The following DPP10 variants were observed in gnomAD, a reference collection of about 807,000 sequenced individuals.
DPP10 encodes dipeptidyl peptidase like 10.
DPP10 carries 33 observed loss-of-function variants against 120.9 expected under a neutral mutation model. The observed-to-expected ratio is 0.27, with a 90% CI of 0.21 to 0.37. DPP10 has a LOEUF of 0.37. Ranked by LOEUF, DPP10 falls within the 10% of genes least tolerant of loss-of-function variation. The probability of loss-of-function intolerance (pLI) is 1.00; values close to 1 mark genes in which losing one functional copy is unlikely to be tolerated. For synonymous variants in DPP10, 337 were observed against 326.1 expected, an observed-to-expected ratio of 1.03 and a Z score of -0.36; for missense variants, 816 against 942.8, an observed-to-expected ratio of 0.87 and a Z score of 1.76.
chr2:114,791,021 T>C (rs1166152005), intron 1 of DPP10, among the ~76,000 whole-genome samples: 2 of 152,126 alleles, frequency 1.3e-5, no homozygotes, highest in Non-Finnish European at 2.9e-5. Context: ...AAAGTATATA[T>C]TTAAGAAGAA....
At chr2:114,664,189 C>G (rs1446476981) in intron 1 of DPP10, among the ~76,000 whole-genome samples, 1 of 152,014 alleles carries the variant, frequency 6.6e-6, no homozygotes, top group Non-Finnish European at 1.5e-5. Flanking sequence ...CTCTCTGGAA[C>G]TCAGGCAAAA....
At chr2:114,719,278 C>T (rs1413912023) in intron 1 of DPP10, among the ~76,000 whole-genome samples, 3 of 152,142 alleles carry the variant, frequency 2.0e-5, no homozygotes. Context: ...ATTCCTTCTT[C>T]ATTTTTCCTC....
chr2:114,804,283 G>A lies in DPP10; in HGVS notation c.60+361445G>A, dbSNP rs77027326. ...GATAAAAGTTTATTGGAGGGGTAGG[G>A]CCCTTAAGGAGAACCTCTGCTAGGG... On this transcript the variant is annotated intron_variant, in intron 1 of 25. Coordinates refer to ENST00000410059, the MANE Select transcript of DPP10 (RefSeq NM_020868.6). Among the ~76,000 whole-genome samples the A allele has an allele frequency of 1.6e-3, 241 of 152,306 alleles. 4 individuals carry two copies. In the East Asian group the frequency reaches 0.034, roughly 21 times the overall value.
At chr2:115,578,349 C>T (rs2081808324) in intron 5 of DPP10, among the ~76,000 whole-genome samples, 1 of 152,092 alleles carries the variant, frequency 6.6e-6, no homozygotes. Flanking sequence ...TCTGGGAAAA[C>T]ACACAAACGT....
At chr2:115,244,153 A>G (rs1216779045) in intron 1 of DPP10, among the ~76,000 whole-genome samples, 2 of 149,944 alleles carry the variant, frequency 1.3e-5, no homozygotes, top group African/African-American at 4.9e-5. Flanking sequence ...TTTTGTGCAT[A>G]TTAGTTCCAG....
chr2:115,157,811 C>G (rs2052024324), intron 1 of DPP10, among the ~76,000 whole-genome samples: 1 of 152,228 alleles, frequency 6.6e-6, no homozygotes, highest in South Asian at 2.1e-4. Context: ...CTCGTGAACT[C>G]TGTCTTCTTG....
At chr2:115,120,851 C>T (rs2049785383) in intron 1 of DPP10, among the ~76,000 whole-genome samples, 1 of 152,262 alleles carries the variant, frequency 6.6e-6, no homozygotes, top group East Asian at 1.9e-4. Context: ...AATCTATTTT[C>T]TTTATAACCT....
At chr2:115,602,962 T>G (rs2083426625) in intron 5 of DPP10, among the ~76,000 whole-genome samples, 1 of 152,138 alleles carries the variant, frequency 6.6e-6, no homozygotes. Flanking sequence ...GAACTGAAAA[T>G]TATTAAGGTT....
intron 1 of DPP10, among the ~76,000 whole-genome samples, chr2:114,663,855 G>A (rs748821540): frequency 2.6e-5 from 4 of 151,740 alleles, no homozygotes; most frequent in Admixed American, 6.6e-5. Context: ...CTTCCTCTGA[G>A]GACTGAGTTA....
chr2:115,831,471 C>T (rs1030579676), intron 21 of DPP10, among the ~76,000 whole-genome samples: 6 of 152,246 alleles, frequency 3.9e-5, no homozygotes, highest in Admixed American at 3.3e-4. Flanking sequence ...AACTCCTTAC[C>T]TTGTGATCCG....
At chr2:114,557,512 C>T (rs77861040) in intron 1 of DPP10, among the ~76,000 whole-genome samples, 50 of 152,306 alleles carry the variant, frequency 3.3e-4, no homozygotes, top group Admixed American at 6.5e-4. Context: ...TTTGTTCGTG[C>T]AATCCTCACC....
intron 1 of DPP10, among the ~76,000 whole-genome samples, chr2:114,719,447 G>A (rs1701565338): frequency 6.6e-6 from 1 of 152,184 alleles, no homozygotes; most frequent in Non-Finnish European, 1.5e-5. Context: ...TTCTGCAGGA[G>A]TAGTGTTCAT....
intron 1 of DPP10, among the ~76,000 whole-genome samples, chr2:115,017,130 C>T (rs917702970): frequency 6.6e-6 from 1 of 151,084 alleles, no homozygotes; most frequent in African/African-American, 2.4e-5. Context: ...ATGGGTGCAG[C>T]ACACCAGCAT....
chr2:115,072,531 A>C (rs932657626), intron 1 of DPP10, among the ~76,000 whole-genome samples: 4 of 152,164 alleles, frequency 2.6e-5, no homozygotes, highest in African/African-American at 4.8e-5. Context: ...TTATGAATCT[A>C]TCTTCAGAAA....
chr2:115,335,242 CAT>C (rs557534735), intron 2 of DPP10, among the ~76,000 whole-genome samples: 1 of 151,948 alleles, frequency 6.6e-6, no homozygotes, highest in Non-Finnish European at 1.5e-5. Context: ...CTTCTCATGA[CAT>C]GTGGGAATTG....
chr2:114,465,606 C>A (rs893422364), intron 1 of DPP10, among the ~76,000 whole-genome samples: 10 of 152,264 alleles, frequency 6.6e-5, no homozygotes, highest in African/African-American at 2.2e-4. Context: ...CTTCTCATTT[C>A]CAACCTAAGA....
rs917318272 is a variant in DPP10 at position 115,513,909 on chromosome 2, C to A, written c.367-11989C>A. On this transcript the variant is annotated intron_variant, in intron 4 of 25. Transcript: ENST00000410059. ...CTATTTATTGTCATTTCATTTCAGCCTGAAGGACTTCTTCCTTTAGTGTTT... is the reference window on the plus strand; with the variant it reads ...CTATTTATTGTCATTTCATTTCAGCATGAAGGACTTCTTCCTTTAGTGTTT... Among the ~76,000 whole-genome samples, 121 of 152,074 alleles carry A rather than the reference C, an allele frequency of 8.0e-4. 1 individual carries two copies. The highest frequency in any genetic ancestry group is 3.3e-4 in the Admixed American group (5 of 15,262).
intron 1 of DPP10, among the ~76,000 whole-genome samples, chr2:114,926,748 C>A (rs1300465908): frequency 6.6e-6 from 1 of 152,010 alleles, no homozygotes; most frequent in African/African-American, 2.4e-5. Flanking sequence ...ACAGCCAGGT[C>A]AAATCTAAAA....
intron 1 of DPP10, among the ~76,000 whole-genome samples, chr2:115,115,424 A>G (rs2049451592): frequency 6.6e-6 from 1 of 152,148 alleles, no homozygotes; most frequent in South Asian, 2.1e-4. Flanking sequence ...AATTTGGATC[A>G]TCTATTCTCA....
Sources: gnomAD v4.1 joint callset for allele counts (sites outside exome capture counted in the v4.1 genomes callset) on GRCh38, gnomAD v4.1.1 for gene constraint, MANE v1.5 for transcripts, NCBI Gene and HGNC (gene_info 2026-07-23, HGNC 2026-07-21) for gene names.